LYZL1: variants seen among roughly 807,000 people sequenced by gnomAD.
LYZL1 encodes lysozyme-like protein 1.
Under a neutral mutation model 17.9 loss-of-function variants are expected in LYZL1, and 16 were observed. The ratio of observed to expected loss-of-function variants is 0.90; its 90% CI spans 0.61 to 1.36. LYZL1 has a LOEUF of 1.36. Ranked by LOEUF, LYZL1 falls within the 40% of genes most tolerant of loss-of-function variation. The pLI is 0.00. For synonymous variants in LYZL1, 58 were observed against 71.8 expected (o/e 0.81, Z 0.97); for missense variants, 149 against 188.4 (o/e 0.79, Z 1.22).
intron 3 of LYZL1, among the ~76,000 whole-genome samples, chr10:29,295,514 A>G (rs1207384924): frequency 1.3e-5 from 2 of 152,170 alleles, no homozygotes; most frequent in African/African-American, 4.8e-5. Flanking sequence ...AAATGTGTGC[A>G]TTTACCTCCC....
intron 3 of LYZL1, among the ~76,000 whole-genome samples, chr10:29,299,525 T>A (rs1314644607): frequency 6.6e-6 from 1 of 152,262 alleles, no homozygotes; most frequent in Non-Finnish European, 1.5e-5. Flanking sequence ...TAGTGAGAGA[T>A]AGATATTGAA....
rs1278348372 is a variant in LYZL1, at chr10:29,310,206, G to A, written c.377+18G>A. 1.3e-6 allele frequency: 2 copies of A among 1,573,994 alleles called. No homozygotes were observed. On this transcript the variant is annotated intron_variant, in intron 4 of 4. Coordinates refer to ENST00000649382, the MANE Select transcript of LYZL1 (RefSeq NM_032517.6). ...AACTATTGGTAAGAGTGTTTTCTTG[G>A]GAGACTTGTGCTGTCATGGGCAAAA...
chr10:29,317,672 C>T (rs1471736988), intron 4 of LYZL1, among the ~76,000 whole-genome samples: 1 of 152,212 alleles, frequency 6.6e-6, no homozygotes, highest in Admixed American at 6.5e-5. Context: ...CTCTGTTTCA[C>T]TTCCTGTAAA....
chr10:29,293,492 T>A (rs893809346), intron 3 of LYZL1, among the ~76,000 whole-genome samples: 1 of 152,222 alleles, frequency 6.6e-6, no homozygotes, highest in Non-Finnish European at 1.5e-5. Flanking sequence ...TGTCTTCTAC[T>A]TTAGTCATTC....
At chr10:29,298,912 T>C (rs1176875709) in intron 3 of LYZL1, among the ~76,000 whole-genome samples, 6 of 152,206 alleles carry the variant, frequency 3.9e-5, no homozygotes, top group Non-Finnish European at 7.3e-5. Flanking sequence ...ACTTTATTTC[T>C]ATTATCATTA....
intron 3 of LYZL1, among the ~76,000 whole-genome samples, chr10:29,301,826 A>G (rs1835523019): frequency 1.3e-5 from 2 of 152,032 alleles, no homozygotes; most frequent in Non-Finnish European, 2.9e-5. Context: ...ATTTATCACC[A>G]TGGCTCTTCA....
intron 1 of LYZL1, among the ~76,000 whole-genome samples, chr10:29,291,455 G>A (rs902337383): frequency 9.9e-5 from 15 of 151,572 alleles, no homozygotes; most frequent in African/African-American, 3.2e-4. Context: ...GACCCACGCA[G>A]TTCAAACCCA....
exon 5 of LYZL1, chr10:29,318,300 T>G: frequency 2.0e-6 from 1 of 501,594 alleles, no homozygotes; most frequent in Non-Finnish European, 2.6e-6. Context: ...AAAGCATTCA[T>G]GCAAAATAAA....
At chr10:29,300,100 G>T (rs1835497254) in intron 3 of LYZL1, among the ~76,000 whole-genome samples, 1 of 152,138 alleles carries the variant, frequency 6.6e-6, no homozygotes, top group East Asian at 1.9e-4. Flanking sequence ...TTTCCTGTGG[G>T]ACATACATCG....
At chr10:29,291,486 T>C (rs1032505825) in intron 1 of LYZL1, among the ~76,000 whole-genome samples, 2 of 151,696 alleles carry the variant, frequency 1.3e-5, no homozygotes, top group Non-Finnish European at 2.9e-5. Context: ...GGGTCAGCAG[T>C]ATAGGGAATG....
chr10:29,293,127 C>CTT (rs778807136), intron 3 of LYZL1, among the ~76,000 whole-genome samples: 1,962 of 103,884 alleles, frequency 0.019, 182 homozygotes, highest in Non-Finnish European at 0.028. Flanking sequence ...CTTTTCTTTT[C>CTT]TTTTTTCTTT....
Position 29,289,142 on chromosome 10 carries a change from C to T in LYZL1, c.-114C>T. The T allele has an allele frequency of 6.2e-7, 1 of 1,607,646 alleles. No homozygotes were observed. The highest frequency in any genetic ancestry group is 8.5e-7 in the Non-Finnish European group (1 of 1,176,510). Reference sequence around the variant, plus strand: ...GATGCAGGACGCTCCCCTGAGCTGCCTGTCACCGACTAAGTGGAGCAGTGT... The same window carrying T: ...GATGCAGGACGCTCCCCTGAGCTGCTTGTCACCGACTAAGTGGAGCAGTGT... On this transcript the variant is annotated 5_prime_UTR_variant, in exon 1 of 5. Coordinates refer to ENST00000649382, the MANE Select transcript of LYZL1 (RefSeq NM_032517.6).
chr10:29,289,768 A>G (rs1216472601), intron 1 of LYZL1, among the ~76,000 whole-genome samples: 1 of 152,134 alleles, frequency 6.6e-6, no homozygotes, highest in Non-Finnish European at 1.5e-5. Context: ...AGCTTAACAC[A>G]GTGCTGTACA....
At chr10:29,291,602 T>C (rs190433644) in intron 1 of LYZL1, among the ~76,000 whole-genome samples, 1,738 of 150,720 alleles carry the variant, frequency 0.012, 24 homozygotes, top group African/African-American at 0.029. Flanking sequence ...TTAATTTTTT[T>C]GCTTGCTTAA....
downstream of LYZL1, among the ~76,000 whole-genome samples, chr10:29,315,396 T>C (rs930389536): frequency 7.2e-5 from 11 of 151,950 alleles, no homozygotes; most frequent in Admixed American, 6.6e-5. Context: ...CCTGTAATCC[T>C]AGCTACTCTG....
chr10:29,303,976 G>A (rs1230411372), intron 3 of LYZL1, among the ~76,000 whole-genome samples: 1 of 152,152 alleles, frequency 6.6e-6, no homozygotes, highest in Non-Finnish European at 1.5e-5. Context: ...GCCCAAGCTA[G>A]TCTCAAACTC....
At chr10:29,308,008 A>AAAAACAAAAACAAAAACAAAAC (rs1835618843) in intron 3 of LYZL1, among the ~76,000 whole-genome samples, 2 of 152,134 alleles carry the variant, frequency 1.3e-5, no homozygotes, top group Non-Finnish European at 2.9e-5. Flanking sequence ...CAATTCTCTA[A>AAAAACAAAAACAAAAACAAAAC]AAATCAAAAA....
intron 1 of LYZL1, among the ~76,000 whole-genome samples, chr10:29,290,534 T>C (rs1835348440): frequency 2.0e-5 from 3 of 152,152 alleles, no homozygotes; most frequent in Non-Finnish European, 2.9e-5. Flanking sequence ...GCATTTGCAA[T>C]CTAAGATAAA....
At chr10:29,302,464 G>A (rs1027566056) in intron 3 of LYZL1, among the ~76,000 whole-genome samples, 4 of 152,188 alleles carry the variant, frequency 2.6e-5, no homozygotes, top group African/African-American at 9.7e-5. Flanking sequence ...ATTCATAAAC[G>A]GGTGGGAAGA....
Sources: gnomAD v4.1 joint callset for allele counts (sites outside exome capture counted in the v4.1 genomes callset) on GRCh38, gnomAD v4.1.1 for gene constraint, MANE v1.5 for transcripts, NCBI Gene and HGNC (gene_info 2026-07-23, HGNC 2026-07-21) for gene names.